The following MAP2K4 variants were observed in gnomAD, a reference collection of about 807,000 sequenced individuals.
MAP2K4 encodes dual specificity mitogen-activated protein kinase kinase 4.
Under a neutral mutation model 48.5 loss-of-function variants are expected in MAP2K4, and 4 were observed. That is an observed-to-expected ratio of 0.08 (90% CI 0.04 to 0.19). The LOEUF is 0.19. Ranked by LOEUF, MAP2K4 falls within the 10% of genes least tolerant of loss-of-function variation. The probability of loss-of-function intolerance (pLI) is 1.00; values close to 1 mark genes in which losing one functional copy is unlikely to be tolerated. For missense variants in MAP2K4, 258 were observed against 493.3 expected, an observed-to-expected ratio of 0.52 and a Z score of 4.52; for synonymous variants, 166 against 173.1, an observed-to-expected ratio of 0.96 and a Z score of 0.32.
intron 7 of MAP2K4, among the ~76,000 whole-genome samples, chr17:12,114,281 A>G (rs765864141): frequency 3.3e-5 from 5 of 152,186 alleles, no homozygotes; most frequent in Non-Finnish European, 7.3e-5. Flanking sequence ...TTATGAATGG[A>G]TAGGCTTAGT....
chr17:12,082,992 G>A (rs1412725573), intron 3 of MAP2K4, among the ~76,000 whole-genome samples: 2 of 152,204 alleles, frequency 1.3e-5, no homozygotes, highest in African/African-American at 4.8e-5. Flanking sequence ...TGCTACCTGT[G>A]TGTGACATCC....
chr17:12,048,042 CT>C (rs372768207), intron 1 of MAP2K4, among the ~76,000 whole-genome samples: 11 of 151,184 alleles, frequency 7.3e-5, no homozygotes, highest in Admixed American at 5.9e-4. Context: ...ATTTCTTTTT[CT>C]TTTTTTTTGA....
At chr17:12,025,744 T>C (rs1267673207) in intron 1 of MAP2K4, among the ~76,000 whole-genome samples, 1 of 152,212 alleles carries the variant, frequency 6.6e-6, no homozygotes, top group Non-Finnish European at 1.5e-5. Context: ...CTTTAAAATG[T>C]AATGAAGTAT....
intron 2 of MAP2K4, among the ~76,000 whole-genome samples, chr17:12,074,767 A>T (rs1421810391): frequency 6.6e-6 from 1 of 152,128 alleles, no homozygotes; most frequent in Admixed American, 6.5e-5. Context: ...CCGCAACTCA[A>T]GGGTACTGCC....
At chr17:12,124,066 T>TA (rs1243610687) in intron 7 of MAP2K4, among the ~76,000 whole-genome samples, 1 of 110,270 alleles carries the variant, frequency 9.1e-6, no homozygotes, top group East Asian at 3.3e-4. Context: ...GGCAAATACT[T>TA]ATATTTACAA....
intron 4 of MAP2K4, among the ~76,000 whole-genome samples, chr17:12,098,083 GT>G (rs1971818534): frequency 6.6e-6 from 1 of 152,090 alleles, no homozygotes; most frequent in Non-Finnish European, 1.5e-5. Context: ...TTTTTCAATA[GT>G]TTTACAATAA....
chr17:12,107,451 T>C (rs1410471237), intron 4 of MAP2K4, among the ~76,000 whole-genome samples: 1 of 151,432 alleles, frequency 6.6e-6, no homozygotes, highest in Non-Finnish European at 1.5e-5. Context: ...GTCATCTATT[T>C]TCATTGTTAG....
chr17:12,083,411 C>G (rs1971255753), intron 3 of MAP2K4, among the ~76,000 whole-genome samples: 1 of 152,198 alleles, frequency 6.6e-6, no homozygotes, highest in Non-Finnish European at 1.5e-5. Context: ...TATTAAAAAT[C>G]CCAGCTGTAC....
Position 12,142,216 on chromosome 17 carries a change from T to G in MAP2K4, c.*956T>G, listed in dbSNP as rs1043689070. 1.3e-5 allele frequency: 3 copies of G among 233,446 alleles called. No individual in the cohort carries two copies. The highest frequency in any genetic ancestry group is 2.5e-5 in the Non-Finnish European group (3 of 117,944). The allele number at this position is 233,446 out of a possible 1,614,324, so 14.5% of individuals were successfully genotyped here. A position where few individuals can be genotyped will look rare whatever the true frequency, so the allele number is the denominator to read the frequency against. On this transcript the variant is annotated 3_prime_UTR_variant, in exon 11 of 11. Transcript: ENST00000353533. ...TCCCCTTGGTCCCAAGCCTGATACT[T>G]TAGCCATCATAACTCACTAACAGGG... is the stretch of plus-strand genomic sequence containing the variant.
At chr17:12,065,978 TAAG>T (rs1262798483) in intron 2 of MAP2K4, among the ~76,000 whole-genome samples, 1 of 152,236 alleles carries the variant, frequency 6.6e-6, no homozygotes, top group Non-Finnish European at 1.5e-5. Flanking sequence ...GTGAAATTTT[TAAG>T]AAGGTTATCA....
At chr17:12,137,530 G>T (rs1225054578) in intron 9 of MAP2K4, among the ~76,000 whole-genome samples, 1 of 152,118 alleles carries the variant, frequency 6.6e-6, no homozygotes, top group Non-Finnish European at 1.5e-5. Context: ...GGAAATAATT[G>T]AAGACAAAAT....
At chr17:12,022,049 A>C (rs927576864) in intron 1 of MAP2K4, among the ~76,000 whole-genome samples, 1 of 152,220 alleles carries the variant, frequency 6.6e-6, no homozygotes, top group Admixed American at 6.5e-5. Flanking sequence ...CTTGTGTTGA[A>C]TTATTAACAG....
Position 12,059,221 on chromosome 17 carries a change from GA to G in MAP2K4, c.218+4235del, listed in dbSNP as rs998667163. On this transcript the variant is annotated intron_variant, in intron 2 of 10. Transcript: ENST00000353533. ...AAACTGGATAGCCAAAGAGTACAAA[GA>G]AAAAGCAAAGGAAAAATGTGTGGCT... 2.8e-4 allele frequency among the ~76,000 whole-genome samples: 43 copies of G among 152,236 alleles called. 1 individual carries two copies. Among genetic ancestry groups the G allele is most frequent in the African/African-American group, 1.0e-3 (42 of 41,552 alleles).
At chr17:12,038,640 A>G (rs768255353) in intron 1 of MAP2K4, among the ~76,000 whole-genome samples, 3 of 152,180 alleles carry the variant, frequency 2.0e-5, no homozygotes, top group South Asian at 2.1e-4. Context: ...TATAGGAGCT[A>G]TGTGGTAGAA....
At chr17:12,036,873 G>A (rs1969615591) in intron 1 of MAP2K4, among the ~76,000 whole-genome samples, 2 of 148,534 alleles carry the variant, frequency 1.3e-5, no homozygotes, top group South Asian at 4.4e-4. Context: ...GGTGCTTTTA[G>A]CTCTTTATCA....
chr17:12,113,013 G>A (rs1972356995), intron 6 of MAP2K4: 1 of 351,384 alleles, frequency 2.8e-6, no homozygotes, highest in Admixed American at 4.1e-5. Flanking sequence ...AATGACTTTT[G>A]CTGTTACATT....
intron 2 of MAP2K4, among the ~76,000 whole-genome samples, chr17:12,057,659 C>G (rs1970324594): frequency 6.6e-6 from 1 of 151,972 alleles, no homozygotes; most frequent in Non-Finnish European, 1.5e-5. Context: ...ACTTGTGTTA[C>G]TAGGATGTTG....
chr17:12,124,077 CA>C (rs11354934), intron 7 of MAP2K4, among the ~76,000 whole-genome samples: 95,923 of 151,398 alleles, frequency 0.63, 31,072 homozygotes, highest in East Asian at 0.81. Context: ...ATATTTACAA[CA>C]AAAAAAAACA....
At chr17:12,108,611 T>C (rs1972205395) in intron 5 of MAP2K4, among the ~76,000 whole-genome samples, 1 of 152,048 alleles carries the variant, frequency 6.6e-6, no homozygotes, top group East Asian at 1.9e-4. Flanking sequence ...GCAAAATTCA[T>C]AAGATTCTTA....
Sources: allele counts gnomAD v4.1 joint callset (sites outside exome capture counted in the v4.1 genomes callset), GRCh38; gene constraint gnomAD v4.1.1; transcripts MANE v1.5; gene names NCBI Gene and HGNC (gene_info 2026-07-23, HGNC 2026-07-21).